SLC25A37: variants seen among roughly 807,000 people sequenced by gnomAD.
The protein encoded by SLC25A37 is mitoferrin-1.
A neutral mutation model predicts 31.0 loss-of-function variants in SLC25A37; 17 were observed. The ratio of observed to expected loss-of-function variants is 0.55; its 90% CI spans 0.38 to 0.82. The LOEUF (loss-of-function observed/expected upper bound fraction) is 0.82, where lower values mean the gene tolerates loss of function less well. Ranked by LOEUF, SLC25A37 falls within the 40% of genes least tolerant of loss-of-function variation. The pLI, the probability that SLC25A37 is intolerant of heterozygous loss-of-function variation, is 0.00. For synonymous variants in SLC25A37, 222 were observed against 193.0 expected (o/e 1.15, Z -1.24); for missense variants, 404 against 465.8 (o/e 0.87, Z 1.22).
chr8:23,553,726 T>C (rs112430595), intron 1 of SLC25A37, among the ~76,000 whole-genome samples: 1,633 of 152,338 alleles, frequency 0.011, 35 homozygotes, highest in African/African-American at 0.035. Flanking sequence ...GGAGACAGAA[T>C]GGGTTGGTAT....
At position 23,529,243 on chromosome 8, in the gene SLC25A37, C is replaced by T; in HGVS notation, c.210+31C>T. 1 of 1,586,760 alleles carries T rather than the reference C, an allele frequency of 6.3e-7. No individual in the cohort carries two copies. The highest frequency in any genetic ancestry group is 8.6e-7 in the Non-Finnish European group (1 of 1,167,316). On this transcript the variant is annotated intron_variant, in intron 1 of 3. Coordinates refer to ENST00000519973, the MANE Select transcript of SLC25A37 (RefSeq NM_016612.4). This position sits in a 1 kb window ranked among gnomAD's most constrained non-coding sequence, Gnocchi z 4.1. ...GCGCGGGGAGACTTCGGGGACGCAA[C>T]GAGCGGAGAAGGAGCGCGCGCGCGC...
At position 23,566,283 on chromosome 8, in the gene SLC25A37, A is replaced by G. The variant is rs770953188; in HGVS notation, c.386A>G (p.Lys129Arg). ...AMYFACYENM[K>R]RTLNDVFHHQ... is the part of the protein sequence containing the mutation. ...TATTTTGCCTGCTATGAAAACATGAAAAGGACTTTAAATGACGTTTTCCAC... is the reference window on the plus strand; with the variant it reads ...TATTTTGCCTGCTATGAAAACATGAGAAGGACTTTAAATGACGTTTTCCAC... Residue 129 changes from lysine (K) to arginine (R), a missense_variant, in exon 2 of 4, where the codon AAA (lysine) becomes AGA (arginine). By Grantham distance (26) the Lys-to-Arg change is conservative. Around this residue, in one of 3 missense-constraint regions of SLC25A37, gnomAD observed 243 missense variants for 284.4 expected, o/e 0.85. Coordinates refer to ENST00000519973, the MANE Select transcript of SLC25A37 (RefSeq NM_016612.4). 2 of 1,597,714 alleles carry G rather than the reference A, an allele frequency of 1.3e-6. No individual in the cohort carries two copies. The highest frequency in any genetic ancestry group is 4.5e-5 in the East Asian group (2 of 44,004).
At chr8:23,544,865 C>T (rs1801994390) in intron 1 of SLC25A37, among the ~76,000 whole-genome samples, 2 of 152,092 alleles carry the variant, frequency 1.3e-5, no homozygotes, top group Admixed American at 1.3e-4. Context: ...ATCTTAATTC[C>T]CTGTTTGACT....
chr8:23,538,186 G>A (rs1385714010), intron 1 of SLC25A37, among the ~76,000 whole-genome samples: 1 of 151,658 alleles, frequency 6.6e-6, no homozygotes, highest in Non-Finnish European at 1.5e-5. Context: ...TTTGAGACCA[G>A]CCTGGCCAAC....
chr8:23,546,562 A>AGGTG (rs1563256143), intron 1 of SLC25A37, among the ~76,000 whole-genome samples: 13 of 93,408 alleles, frequency 1.4e-4, no homozygotes, highest in African/African-American at 7.7e-4. Context: ...TAGTGTATAT[A>AGGTG]TATATATATA....
chr8:23,542,202 C>G (rs1041723491), intron 1 of SLC25A37, among the ~76,000 whole-genome samples: 2 of 152,160 alleles, frequency 1.3e-5, no homozygotes, highest in African/African-American at 4.8e-5. Context: ...CAACGCATTG[C>G]ATTTCGCCCG....
intron 1 of SLC25A37, among the ~76,000 whole-genome samples, chr8:23,553,023 A>G (rs1476677151): frequency 6.6e-6 from 1 of 152,332 alleles, no homozygotes; most frequent in East Asian, 1.9e-4. Context: ...CTCCCCACAC[A>G]TGGGTTGATG....
At chr8:23,569,504 G>A (rs1802764916) in intron 3 of SLC25A37, among the ~76,000 whole-genome samples, 1 of 152,072 alleles carries the variant, frequency 6.6e-6, no homozygotes, top group African/African-American at 2.4e-5. Context: ...CTATTCTTTA[G>A]GGCTAGTGTT....
chr8:23,556,739 T>A (rs1802376864), intron 1 of SLC25A37, among the ~76,000 whole-genome samples: 1 of 152,164 alleles, frequency 6.6e-6, no homozygotes, highest in Non-Finnish European at 1.5e-5. Context: ...AAACTTCAAC[T>A]TAGGGATAAA....
Position 23,572,200 on chromosome 8 carries a change from C to A in SLC25A37, c.*345C>A, listed in dbSNP as rs1238784245. On this transcript the variant is annotated 3_prime_UTR_variant, in exon 4 of 4. Coordinates refer to ENST00000519973, the MANE Select transcript of SLC25A37 (RefSeq NM_016612.4). ...GAAGAAAATTTGCAGTGACTGAAAACAGTAAAAAAAAAAAAAAAAAAAAAA... is the reference window on the plus strand; with the variant it reads ...GAAGAAAATTTGCAGTGACTGAAAAAAGTAAAAAAAAAAAAAAAAAAAAAA... 3 of 54,434 alleles carry A rather than the reference C, an allele frequency of 5.5e-5. No homozygotes were observed. The highest frequency in any genetic ancestry group is 8.9e-5 in the Non-Finnish European group (3 of 33,562). 3.4% of individuals were successfully genotyped at this position (54,434 alleles called of 1,614,324 possible). A position where few individuals can be genotyped will look rare whatever the true frequency, so the allele number is the denominator to read the frequency against.
chr8:23,566,008 A>G, intron 1 of SLC25A37, 100 bp from the exon 2 acceptor site: 1 of 1,417,210 alleles, frequency 7.1e-7, no homozygotes, highest in South Asian at 1.5e-5. Context: ...TGAAACTATG[A>G]CATTGTTTTT....
At chr8:23,541,217 C>T (rs752370618) in intron 1 of SLC25A37, among the ~76,000 whole-genome samples, 4 of 152,112 alleles carry the variant, frequency 2.6e-5, no homozygotes, top group South Asian at 4.1e-4. Flanking sequence ...AGGGTAGGAC[C>T]GGATGAGCCC....
chr8:23,568,694 A>AT (rs71806984), intron 3 of SLC25A37: 27,051 of 341,920 alleles, frequency 0.079, 1,421 homozygotes, highest in Non-Finnish European at 0.1. Context: ...TAATCCCAGC[A>AT]TTTTTTGGGA....
At chr8:23,536,060 TG>T (rs961199873) in intron 1 of SLC25A37, among the ~76,000 whole-genome samples, 1 of 152,212 alleles carries the variant, frequency 6.6e-6, no homozygotes. Flanking sequence ...CCACAGTGCG[TG>T]GTGCGTACGT....
Position 23,546,456 on chromosome 8 carries a change from C to T in SLC25A37, c.210+17244C>T, listed in dbSNP as rs530456968. ...TGCTTAAAAATTTTTTTTTCTTGAA[C>T]CTTGGCTTCTCAGGCAATAACTGAA... On this transcript the variant is annotated intron_variant, in intron 1 of 3. Coordinates refer to ENST00000519973, the MANE Select transcript of SLC25A37 (RefSeq NM_016612.4). Among the ~76,000 whole-genome samples, 491 of 147,572 alleles carry T rather than the reference C, an allele frequency of 3.3e-3. 4 individuals carry two copies. Among genetic ancestry groups the T allele is most frequent in the African/African-American group, 0.012 (467 of 40,326 alleles).
chr8:23,560,129 G>A (rs778804634), intron 1 of SLC25A37, among the ~76,000 whole-genome samples: 1 of 152,170 alleles, frequency 6.6e-6, no homozygotes, highest in Non-Finnish European at 1.5e-5. Flanking sequence ...TCAGCTGGGT[G>A]TGGTGGTGCG....
rs1431373087 is a variant in SLC25A37, at chr8:23,529,034, A to G, written c.32A>G (p.Gln11Arg). 1.3e-6 allele frequency: 2 copies of G among 1,552,828 alleles called. No homozygotes were observed. The highest frequency in any genetic ancestry group is 1.2e-5 in the South Asian group (1 of 83,986). MELRSGSVGSQAVARRMDGDS... is the reference protein window; with the variant it reads MELRSGSVGSRAVARRMDGDS... ...CTGCGCAGCGGGAGCGTGGGCAGCC[A>G]GGCGGTGGCGCGGAGGATGGATGGG... Residue 11 changes from glutamine (Q) to arginine (R), a missense_variant, in exon 1 of 4, where the codon CAG becomes CGG. Transcript: ENST00000519973. The surrounding 1 kb of genome is among the most constrained non-coding windows in gnomAD (Gnocchi z 4.1).
At chr8:23,548,829 T>C (rs7826545) in intron 1 of SLC25A37, among the ~76,000 whole-genome samples, 59,307 of 151,684 alleles carry the variant, frequency 0.39, 13,679 homozygotes, top group African/African-American at 0.62. Context: ...AAACACTCTC[T>C]CTCTGCTCTG....
rs147426513 is a variant in SLC25A37 at position 23,541,250 on chromosome 8, G to T, written c.210+12038G>T. 1.6e-3 allele frequency among the ~76,000 whole-genome samples: 244 copies of T among 152,324 alleles called. 1 individual carries two copies. The highest frequency in any genetic ancestry group is 5.6e-3 in the African/African-American group (232 of 41,578). Reference sequence around the variant, plus strand: ...CCCACCTTCAGGGAGGTGTACCCAGGGCTGTTAGTTTGAGGACGTCTGTGG... The same window carrying T: ...CCCACCTTCAGGGAGGTGTACCCAGTGCTGTTAGTTTGAGGACGTCTGTGG... On this transcript the variant is annotated intron_variant, in intron 1 of 3. Coordinates refer to ENST00000519973, the MANE Select transcript of SLC25A37 (RefSeq NM_016612.4).
Sources: allele counts gnomAD v4.1 joint callset (sites outside exome capture counted in the v4.1 genomes callset), GRCh38; gene constraint gnomAD v4.1.1; regional missense constraint gnomAD v4.1.1; non-coding constraint Gnocchi (gnomAD v3.1); transcripts MANE v1.5; gene names NCBI Gene and HGNC (gene_info 2026-07-23, HGNC 2026-07-21).